TMOD1: variants seen among roughly 807,000 people sequenced by gnomAD.
The protein encoded by TMOD1 is tropomodulin 1, also known as tropomodulin-1.
A neutral mutation model predicts 40.6 loss-of-function variants in TMOD1; 17 were observed. The ratio of observed to expected loss-of-function variants is 0.42; its 90% CI spans 0.29 to 0.63. TMOD1 has a LOEUF of 0.63. TMOD1 is among the 20% of genes least tolerant of loss of function. The pLI, the probability that TMOD1 is intolerant of heterozygous loss-of-function variation, is 0.22. For missense variants in TMOD1, 391 were observed against 447.6 expected, an observed-to-expected ratio of 0.87 and a Z score of 1.14; for synonymous variants, 181 against 175.0, an observed-to-expected ratio of 1.03 and a Z score of -0.27.
At chr9:97,556,640 A>G (rs1830541259) in intron 4 of TMOD1, among the ~76,000 whole-genome samples, 1 of 152,196 alleles carries the variant, frequency 6.6e-6, no homozygotes, top group Non-Finnish European at 1.5e-5. Flanking sequence ...TGGCAAAAGA[A>G]TGGTAAGAAA....
rs529988288 is a variant in TMOD1, at chr9:97,527,643, CG to C, written c.120+3340del. Among the ~76,000 whole-genome samples the C allele has an allele frequency of 3.3e-4, 50 of 152,020 alleles. 1 individual carries two copies. In the South Asian group the frequency reaches 0.01, roughly 31 times the overall value. The stretch of plus-strand genomic sequence containing the variant: ...GAAAGAGGGGTTGGGATAGATAACG[CG>C]GGGGAAGAGGGGGCGGCAAGGCCGA... On this transcript the variant is annotated intron_variant, in intron 2 of 9. Coordinates refer to ENST00000259365, the MANE Select transcript of TMOD1 (RefSeq NM_003275.4).
intron 4 of TMOD1, among the ~76,000 whole-genome samples, chr9:97,554,774 C>G (rs756153792): frequency 9.9e-5 from 15 of 152,078 alleles, no homozygotes; most frequent in Non-Finnish European, 2.1e-4. Flanking sequence ...AGGGACTTGA[C>G]AGGCCACAGC....
intron 1 of TMOD1, 135 bp from the exon 2 acceptor site, chr9:97,524,006 G>T: frequency 1.7e-6 from 1 of 576,668 alleles, no homozygotes; most frequent in South Asian, 2.7e-5. Context: ...ACTTAGTGTA[G>T]TATTCCACCA....
intron 3 of TMOD1, among the ~76,000 whole-genome samples, chr9:97,549,754 C>G (rs910123606): frequency 6.6e-6 from 1 of 152,138 alleles, no homozygotes; most frequent in Non-Finnish European, 1.5e-5. Flanking sequence ...GGACATTTCT[C>G]TATGCGCTTC....
At chr9:97,575,644 T>C (rs1830922995) in intron 8 of TMOD1, among the ~76,000 whole-genome samples, 1 of 152,216 alleles carries the variant, frequency 6.6e-6, no homozygotes, top group South Asian at 2.1e-4. Context: ...CAGTTGTCCA[T>C]ATCATCTGGG....
chr9:97,568,016 C>A (rs1048257826), intron 7 of TMOD1, among the ~76,000 whole-genome samples: 1 of 152,056 alleles, frequency 6.6e-6, no homozygotes, highest in Admixed American at 6.5e-5. Context: ...GTCATCTACA[C>A]CCCCTGGCTG....
At chr9:97,596,829 C>T (rs1033156369) in intron 9 of TMOD1, among the ~76,000 whole-genome samples, 2 of 152,318 alleles carry the variant, frequency 1.3e-5, no homozygotes, top group Admixed American at 6.5e-5. Context: ...TTCAGCTGAC[C>T]TGTTAGTTGC....
intron 4 of TMOD1, chr9:97,555,482 C>T: frequency 1.4e-6 from 2 of 1,436,346 alleles, no homozygotes; most frequent in South Asian, 1.5e-5. Context: ...GTGTGGCTTT[C>T]TTGAAACTAC....
rs1830547627 is a variant in TMOD1, at chr9:97,557,050, A to T, written c.397+3650A>T. 6.6e-6 allele frequency among the ~76,000 whole-genome samples: 1 copy of T among 152,320 alleles called. No homozygotes were observed. Among genetic ancestry groups the T allele is most frequent in the Non-Finnish European group, 1.5e-5 (1 of 68,008 alleles). On this transcript the variant is annotated intron_variant, in intron 4 of 9. Coordinates refer to ENST00000259365, the MANE Select transcript of TMOD1 (RefSeq NM_003275.4). This position sits in a 1 kb window ranked among gnomAD's most constrained non-coding sequence, Gnocchi z 4.4. ...ACCTAACTGCTCACTAAGCCAGTGC[A>T]CATTATTGAACTCCTACTGTATACT...
At chr9:97,577,813 GT>G (rs1825644298) in intron 8 of TMOD1, among the ~76,000 whole-genome samples, 1 of 152,182 alleles carries the variant, frequency 6.6e-6, no homozygotes, top group South Asian at 2.1e-4. Flanking sequence ...AACGATAGTA[GT>G]TTTCCTTAGA....
At chr9:97,506,190 C>T (rs2131203617) in intron 1 of TMOD1, among the ~76,000 whole-genome samples, 1 of 152,286 alleles carries the variant, frequency 6.6e-6, no homozygotes, top group East Asian at 1.9e-4. Context: ...CAAAGTTCTT[C>T]ATTGATTTAC....
intron 6 of TMOD1, 71 bp downstream of exon 6, chr9:97,564,239 C>T (rs918420161): frequency 5.6e-5 from 86 of 1,529,962 alleles, no homozygotes; most frequent in South Asian, 2.6e-4. Context: ...CAAATGCAAA[C>T]GGTCCAGGGT....
intron 8 of TMOD1, among the ~76,000 whole-genome samples, chr9:97,576,696 C>T (rs1212308587): frequency 1.3e-5 from 2 of 151,514 alleles, no homozygotes; most frequent in Admixed American, 1.3e-4. Flanking sequence ...TGCAGTGGCA[C>T]GATCTCGGCT....
intron 2 of TMOD1, among the ~76,000 whole-genome samples, chr9:97,529,806 G>C (rs781031640): frequency 8.5e-5 from 13 of 152,334 alleles, no homozygotes; most frequent in Non-Finnish European, 1.5e-4. Flanking sequence ...AGAATGACAA[G>C]TCATCGTGAC....
At chr9:97,549,639 G>A (rs1830417721) in intron 3 of TMOD1, among the ~76,000 whole-genome samples, 1 of 152,076 alleles carries the variant, frequency 6.6e-6, no homozygotes, top group African/African-American at 2.4e-5. Flanking sequence ...GCTGATAGAG[G>A]TAATTGATAT....
intron 2 of TMOD1, 39 bp from the exon 3 acceptor site, chr9:97,546,146 C>CT (rs36077678): frequency 6.4e-7 from 1 of 1,572,016 alleles, no homozygotes; most frequent in African/African-American, 1.4e-5. Context: ...CTCTCTCTCT[C>CT]TTTCTCTCTC....
At chr9:97,550,853 G>A (rs938684037) in intron 3 of TMOD1, among the ~76,000 whole-genome samples, 39 of 151,548 alleles carry the variant, frequency 2.6e-4, no homozygotes, top group African/African-American at 8.0e-4. Flanking sequence ...ATCCTTAGAT[G>A]CTCAAAACTT....
At chr9:97,516,925 C>A (rs1384847247) in intron 1 of TMOD1, 2 of 152,100 alleles carry the variant, frequency 1.3e-5, no homozygotes, top group Non-Finnish European at 2.9e-5. Flanking sequence ...TGCACAACAA[C>A]AGGAATGTAC....
chr9:97,531,033 A>ACCCCCCCC (rs202030181), intron 2 of TMOD1, among the ~76,000 whole-genome samples: 22 of 78,256 alleles, frequency 2.8e-4, no homozygotes, highest in Non-Finnish European at 4.1e-4. Context: ...GGTGATCCAC[A>ACCCCCCCC]CCCACCCCCC....
Sources: allele counts gnomAD v4.1 joint callset (sites outside exome capture counted in the v4.1 genomes callset), GRCh38; gene constraint gnomAD v4.1.1; non-coding constraint Gnocchi (gnomAD v3.1); transcripts MANE v1.5; gene names NCBI Gene and HGNC (gene_info 2026-07-23, HGNC 2026-07-21).